BRINP1: variants seen among roughly 807,000 people sequenced by gnomAD.
BRINP1 encodes the protein BMP/retinoic acid-inducible neural-specific protein 1.
Under a neutral mutation model 72.9 loss-of-function variants are expected in BRINP1, and 17 were observed. That is an observed-to-expected ratio of 0.23 (90% confidence interval 0.16 to 0.35). The LOEUF is 0.35. Ranked by LOEUF, BRINP1 falls within the 10% of genes least tolerant of loss-of-function variation. The pLI is 1.00. For synonymous variants in BRINP1, 418 were observed against 378.5 expected, an observed-to-expected ratio of 1.10 and a Z score of -1.21; for missense variants, 850 against 1,001.6, an observed-to-expected ratio of 0.85 and a Z score of 2.04.
intron 2 of BRINP1, among the ~76,000 whole-genome samples, chr9:119,307,899 G>A (rs1050185417): frequency 7.2e-5 from 11 of 152,304 alleles, no homozygotes; most frequent in Admixed American, 6.5e-4. Context: ...GCTGGGCAAG[G>A]TCAAGGATGC....
chr9:119,335,950 C>T (rs1186414420), intron 1 of BRINP1, among the ~76,000 whole-genome samples: 1 of 152,158 alleles, frequency 6.6e-6, no homozygotes, highest in Non-Finnish European at 1.5e-5. Context: ...AGATTTCGTG[C>T]AGTCAGGATG....
chr9:119,311,394 G>A (rs1398051287), intron 2 of BRINP1, among the ~76,000 whole-genome samples: 1 of 152,140 alleles, frequency 6.6e-6, no homozygotes, highest in African/African-American at 2.4e-5. Flanking sequence ...CTTTGTTTTA[G>A]GAGTAGAATC....
intron 1 of BRINP1, among the ~76,000 whole-genome samples, chr9:119,323,730 C>T (rs1202347575): frequency 1.4e-4 from 22 of 152,214 alleles, no homozygotes; most frequent in Admixed American, 1.4e-3. Context: ...AATCCTTCTA[C>T]CTTCTCACTT....
At chr9:119,175,126 AAAAAAAGAC>A (rs1829469501) in intron 7 of BRINP1, among the ~76,000 whole-genome samples, 1 of 150,424 alleles carries the variant, frequency 6.6e-6, no homozygotes, top group African/African-American at 2.5e-5. Context: ...GTATAAAAAA[AAAAAAAGAC>A]AAAAAAAAAA....
chr9:119,353,454 G>A (rs1044212179), intron 1 of BRINP1, among the ~76,000 whole-genome samples: 1 of 152,138 alleles, frequency 6.6e-6, no homozygotes, highest in Non-Finnish European at 1.5e-5. Context: ...GCTGAGAAAT[G>A]ACACTTACCA....
At position 119,341,074 on chromosome 9, in the gene BRINP1, G is replaced by A. The variant is rs554210787; in HGVS notation, c.-50-27669C>T. 5.3e-5 allele frequency among the ~76,000 whole-genome samples: 8 copies of A among 152,222 alleles called. No homozygotes were observed. In the East Asian group the frequency reaches 1.6e-3, roughly 30 times the overall value. ...CTTCCTTCTTCCATATCACAGTCTAGACTCATGCCTTTCACTTCATCTCTC... is the reference window on the plus strand; with the variant it reads ...CTTCCTTCTTCCATATCACAGTCTAAACTCATGCCTTTCACTTCATCTCTC... On this transcript the variant is annotated intron_variant, in intron 1 of 7. Coordinates refer to ENST00000265922, the MANE Select transcript of BRINP1 (RefSeq NM_014618.3).
chr9:119,174,018 A>C (rs547586777), intron 7 of BRINP1, among the ~76,000 whole-genome samples: 25 of 102,928 alleles, frequency 2.4e-4, no homozygotes, highest in East Asian at 5.4e-4. Context: ...AACGTTAGAC[A>C]GAAAACCTAG....
At chr9:119,201,892 C>T (rs1829808950) in intron 7 of BRINP1, among the ~76,000 whole-genome samples, 1 of 152,180 alleles carries the variant, frequency 6.6e-6, no homozygotes, top group South Asian at 2.1e-4. Flanking sequence ...TCCCTCCCTT[C>T]CTTTCTACCT....
chr9:119,356,804 C>CAAA (rs61323149), intron 1 of BRINP1, among the ~76,000 whole-genome samples: 5 of 115,206 alleles, frequency 4.3e-5, no homozygotes, highest in East Asian at 2.2e-4. Flanking sequence ...GGCTCCGTCT[C>CAAA]AAAAAAAAAA....
intron 2 of BRINP1, among the ~76,000 whole-genome samples, chr9:119,294,278 C>T (rs1217091874): frequency 6.6e-6 from 1 of 152,196 alleles, no homozygotes; most frequent in Non-Finnish European, 1.5e-5. Flanking sequence ...TGCCTGTAAT[C>T]CCAGCACTTT....
chr9:119,265,076 T>G (rs1830534720), intron 2 of BRINP1, among the ~76,000 whole-genome samples: 1 of 152,202 alleles, frequency 6.6e-6, no homozygotes, highest in South Asian at 2.1e-4. Context: ...AACTTCCAAG[T>G]TATCTTACCC....
At chr9:119,285,103 G>A (rs560056) in intron 2 of BRINP1, among the ~76,000 whole-genome samples, 37,853 of 151,292 alleles carry the variant, frequency 0.25, 5,696 homozygotes, top group Non-Finnish European at 0.33. Flanking sequence ...GAAATGCATC[G>A]CACGGTTCCC....
At chr9:119,348,440 T>G (rs1831470861) in intron 1 of BRINP1, among the ~76,000 whole-genome samples, 1 of 152,230 alleles carries the variant, frequency 6.6e-6, no homozygotes, top group African/African-American at 2.4e-5. Flanking sequence ...GGTATTTGTG[T>G]GGACATCAGT....
intron 3 of BRINP1, among the ~76,000 whole-genome samples, chr9:119,247,279 T>C (rs1273353181): frequency 6.8e-6 from 1 of 148,108 alleles, no homozygotes; most frequent in Non-Finnish European, 1.5e-5. Flanking sequence ...AATATCTAAC[T>C]GGCAACAGAC....
intron 2 of BRINP1, among the ~76,000 whole-genome samples, chr9:119,273,780 AG>A (rs1412164844): frequency 6.6e-6 from 1 of 152,154 alleles, no homozygotes; most frequent in Non-Finnish European, 1.5e-5. Context: ...TTCAACCACA[AG>A]GGTTGGGATA....
intron 1 of BRINP1, among the ~76,000 whole-genome samples, chr9:119,335,277 G>A (rs1268046582): frequency 2.0e-5 from 3 of 152,180 alleles, no homozygotes; most frequent in Non-Finnish European, 4.4e-5. Flanking sequence ...GGAGGCCTGA[G>A]CTCAGGGCCC....
Position 119,248,436 on chromosome 9 carries a change from CA to C in BRINP1, c.409+523del, listed in dbSNP as rs1220256570. Among the ~76,000 whole-genome samples the C allele has an allele frequency of 3.9e-5, 6 of 152,290 alleles. No individual in the cohort carries two copies. In the East Asian group the frequency reaches 9.6e-4, roughly 24 times the overall value. ...TCCAGCCCTCTTACCCTTGATCACTCAAAAACTGACTGGCCCTGATGGGGAG... is the reference window on the plus strand; with the variant it reads ...TCCAGCCCTCTTACCCTTGATCACTCAAAACTGACTGGCCCTGATGGGGAG... On this transcript the variant is annotated intron_variant, in intron 3 of 7. Coordinates refer to ENST00000265922, the MANE Select transcript of BRINP1 (RefSeq NM_014618.3).
intron 7 of BRINP1, among the ~76,000 whole-genome samples, chr9:119,170,151 GAGA>G (rs1236613715): frequency 1.3e-5 from 2 of 152,048 alleles, no homozygotes; most frequent in African/African-American, 2.4e-5. Context: ...GACGAGCTGA[GAGA>G]AGAAGGCTTC....
At position 119,263,106 on chromosome 9, in the gene BRINP1, G is replaced by T. The variant is rs368497914; in HGVS notation, c.219-13956C>A. The stretch of plus-strand genomic sequence containing the variant: ...CCTCACCATCCTGCCCTTCAGGCCA[G>T]GGGCACAATTTGAAAACTATCAGAC... On this transcript the variant is annotated intron_variant, in intron 2 of 7. Transcript: ENST00000265922. Among the ~76,000 whole-genome samples the T allele has an allele frequency of 1.3e-3, 196 of 152,280 alleles. 2 individuals carry two copies. Among genetic ancestry groups the T allele is most frequent in the African/African-American group, 4.5e-3 (189 of 41,544 alleles).
Sources: gnomAD v4.1 joint callset for allele counts (sites outside exome capture counted in the v4.1 genomes callset) on GRCh38, gnomAD v4.1.1 for gene constraint, MANE v1.5 for transcripts, NCBI Gene and HGNC (gene_info 2026-07-23, HGNC 2026-07-21) for gene names.